TBC1D4: variants seen among roughly 807,000 people sequenced by gnomAD.
TBC1D4 encodes the protein TBC1 domain family member 4.
A neutral mutation model predicts 142.5 loss-of-function variants in TBC1D4; 121 were observed. The observed-to-expected ratio is 0.85, with a 90% CI of 0.73 to 0.99. The LOEUF (loss-of-function observed/expected upper bound fraction) is 0.99, where lower values mean the gene tolerates loss of function less well. Among genes scored for constraint, TBC1D4 ranks in the 50% least tolerant of loss-of-function variants. The pLI, the probability that TBC1D4 is intolerant of heterozygous loss-of-function variation, is 0.00. For missense variants in TBC1D4, 1,475 were observed against 1,606.6 expected, an observed-to-expected ratio of 0.92 and a Z score of 1.40; for synonymous variants, 630 against 628.2, an observed-to-expected ratio of 1.00 and a Z score of -0.04.
intron 1 of TBC1D4, among the ~76,000 whole-genome samples, chr13:75,379,929 A>T (rs1883729639): frequency 9.5e-6 from 1 of 104,792 alleles, no homozygotes. Context: ...TTTTTGAGAA[A>T]GAGTCTTGCT....
chr13:75,331,845 GAA>G (rs4052616), intron 8 of TBC1D4, among the ~76,000 whole-genome samples: 85 of 140,500 alleles, frequency 6.0e-4, no homozygotes, highest in African/African-American at 2.1e-3. Flanking sequence ...AACTCAGCAG[GAA>G]AAAAAAAAAA....
At chr13:75,356,630 GA>G (rs1177111077) in intron 3 of TBC1D4, among the ~76,000 whole-genome samples, 1 of 152,138 alleles carries the variant, frequency 6.6e-6, no homozygotes, top group Non-Finnish European at 1.5e-5. Flanking sequence ...GTTCTTATCT[GA>G]GGCTAAGAAT....
At chr13:75,409,904 A>G (rs2138390539) in intron 1 of TBC1D4, among the ~76,000 whole-genome samples, 1 of 152,308 alleles carries the variant, frequency 6.6e-6, no homozygotes, top group Middle Eastern at 3.4e-3. Flanking sequence ...TCTGGAGGAA[A>G]TGAATTCGAA....
chr13:75,401,011 T>G (rs1264515940), intron 1 of TBC1D4, among the ~76,000 whole-genome samples: 2 of 152,174 alleles, frequency 1.3e-5, no homozygotes, highest in Non-Finnish European at 2.9e-5. Context: ...CCTGGACAAG[T>G]CACTCTAAAT....
intron 18 of TBC1D4, among the ~76,000 whole-genome samples, chr13:75,293,056 G>A: frequency 6.6e-6 from 1 of 152,340 alleles, no homozygotes; most frequent in East Asian, 1.9e-4. Flanking sequence ...TCGGGAGGCT[G>A]AGGCAGGAGA....
intron 1 of TBC1D4, among the ~76,000 whole-genome samples, chr13:75,451,523 T>A (rs990754701): frequency 6.7e-6 from 1 of 149,836 alleles, no homozygotes; most frequent in African/African-American, 2.4e-5. Flanking sequence ...CTACAAAATA[T>A]AAAAAATGTA....
chr13:75,372,543 T>A (rs1410624767), intron 1 of TBC1D4, among the ~76,000 whole-genome samples: 1 of 152,242 alleles, frequency 6.6e-6, no homozygotes, highest in Non-Finnish European at 1.5e-5. Flanking sequence ...GTGCTGGGAT[T>A]ATAGGCGTGA....
chr13:75,448,118 T>G (rs1176543081), intron 1 of TBC1D4, among the ~76,000 whole-genome samples: 1 of 152,192 alleles, frequency 6.6e-6, no homozygotes, highest in Non-Finnish European at 1.5e-5. Flanking sequence ...TGGGGACTGC[T>G]GTTCTACAGT....
chr13:75,305,198 A>G (rs1355220732), intron 15 of TBC1D4, among the ~76,000 whole-genome samples: 1 of 152,156 alleles, frequency 6.6e-6, no homozygotes, highest in East Asian at 1.9e-4. Flanking sequence ...TTCCGCCATG[A>G]TTGTGAGGCC....
chr13:75,387,416 T>C (rs1334021942), intron 1 of TBC1D4, among the ~76,000 whole-genome samples: 1 of 152,220 alleles, frequency 6.6e-6, no homozygotes, highest in East Asian at 1.9e-4. Context: ...CAGTGAACTT[T>C]CTACATTCTG....
chr13:75,385,441 A>G (rs1312961701), intron 1 of TBC1D4, among the ~76,000 whole-genome samples: 1 of 152,224 alleles, frequency 6.6e-6, no homozygotes, highest in Non-Finnish European at 1.5e-5. Flanking sequence ...TTCTTGCCTG[A>G]ACCTAGAGTG....
intron 1 of TBC1D4, among the ~76,000 whole-genome samples, chr13:75,419,570 G>C (rs1263032339): frequency 6.6e-6 from 1 of 152,062 alleles, no homozygotes; most frequent in Non-Finnish European, 1.5e-5. Flanking sequence ...TCTTCTAATA[G>C]ATATATTTCT....
At chr13:75,460,451 C>T (rs1017003149) in intron 1 of TBC1D4, among the ~76,000 whole-genome samples, 14 of 152,080 alleles carry the variant, frequency 9.2e-5, no homozygotes, top group Admixed American at 2.6e-4. Flanking sequence ...GCATTCCCAA[C>T]AAAAAGACCA....
At chr13:75,437,310 G>T (rs7995759) in intron 1 of TBC1D4, among the ~76,000 whole-genome samples, 88,654 of 152,004 alleles carry the variant, frequency 0.58, 30,572 homozygotes, top group Non-Finnish European at 0.73. Context: ...AAGGGGGCAG[G>T]ACAGCATCAT....
intron 1 of TBC1D4, among the ~76,000 whole-genome samples, chr13:75,419,076 AAC>A (rs138018078): frequency 1.2e-3 from 180 of 149,948 alleles, no homozygotes; most frequent in African/African-American, 3.6e-3. Flanking sequence ...CACACACACA[AAC>A]ACACACACAC....
intron 1 of TBC1D4, among the ~76,000 whole-genome samples, chr13:75,440,518 C>T (rs1593887790): frequency 6.6e-6 from 1 of 151,788 alleles, no homozygotes. Flanking sequence ...TTGTTAAGGG[C>T]CCTATGTTTA....
intron 18 of TBC1D4, among the ~76,000 whole-genome samples, chr13:75,294,106 T>G (rs1418048052): frequency 3.9e-5 from 6 of 152,240 alleles, no homozygotes; most frequent in Non-Finnish European, 8.8e-5. Flanking sequence ...TGGTTGTTGT[T>G]GTTGTTGTTT....
intron 1 of TBC1D4, among the ~76,000 whole-genome samples, chr13:75,394,996 T>A (rs371348777): frequency 6.6e-6 from 1 of 152,152 alleles, no homozygotes; most frequent in Non-Finnish European, 1.5e-5. Context: ...AGGTACCAAG[T>A]ATAAAAATAA....
At chr13:75,463,460 C>T (rs1888051931) in intron 1 of TBC1D4, among the ~76,000 whole-genome samples, 1 of 152,108 alleles carries the variant, frequency 6.6e-6, no homozygotes, top group Non-Finnish European at 1.5e-5. Flanking sequence ...ATTCCCAGGG[C>T]CCACACTGGA....
Sources: gnomAD v4.1 joint callset for allele counts (sites outside exome capture counted in the v4.1 genomes callset) on GRCh38, gnomAD v4.1.1 for gene constraint, MANE v1.5 for transcripts, NCBI Gene and HGNC (gene_info 2026-07-23, HGNC 2026-07-21) for gene names.